Variants in GNB4 observed in about 807,000 individuals in gnomAD.
GNB4 encodes the protein G protein subunit beta 4.
Under a neutral mutation model 45.2 loss-of-function variants are expected in GNB4, and 28 were observed. The observed-to-expected ratio is 0.62, with a 90% CI of 0.46 to 0.85. The LOEUF is 0.85. GNB4 is among the 40% of genes least tolerant of loss of function. The probability of loss-of-function intolerance (pLI) is 0.00; values close to 1 mark genes in which losing one functional copy is unlikely to be tolerated. For missense variants in GNB4, 321 were observed against 425.4 expected (o/e 0.75, Z 2.16); for synonymous variants, 132 against 143.7 (o/e 0.92, Z 0.58).
chr3:179,513,264 G>C, the GNB4 span, among the ~76,000 whole-genome samples: 3,977 of 142,970 alleles, frequency 0.028, 85 homozygotes, highest in South Asian at 0.082. Flanking sequence ...GCTCACTCTA[G>C]CCTTGACCTC....
At chr3:179,459,539 G>A in the GNB4 span, among the ~76,000 whole-genome samples, 41 of 152,140 alleles carry the variant, frequency 2.7e-4, no homozygotes, top group Non-Finnish European at 4.9e-4. Context: ...AAAATTAGCC[G>A]GGCTTGGTGA....
the GNB4 span, among the ~76,000 whole-genome samples, chr3:179,491,140 G>A: frequency 6.6e-6 from 1 of 152,140 alleles, no homozygotes; most frequent in Non-Finnish European, 1.5e-5. Flanking sequence ...TCTCAGCATA[G>A]AAATAGAGAA....
chr3:179,468,035 A>AAATATATATATATATATATATATATAT, the GNB4 span, among the ~76,000 whole-genome samples: 37 of 89,808 alleles, frequency 4.1e-4, 1 homozygote, highest in East Asian at 6.7e-4. Flanking sequence ...TGTTGATAAA[A>AAATATATATATATATATATATATATAT]ATATATATAT....
intron 3 of GNB4, among the ~76,000 whole-genome samples, chr3:179,419,919 T>C (rs1714925755): frequency 6.6e-6 from 1 of 151,904 alleles, no homozygotes; most frequent in African/African-American, 2.4e-5. Context: ...TTAATAATAA[T>C]GATCAATATT....
chr3:179,509,205 A>G, the GNB4 span, among the ~76,000 whole-genome samples: 3 of 150,426 alleles, frequency 2.0e-5, no homozygotes, highest in Admixed American at 6.6e-5. Context: ...ACACACACAT[A>G]TACGGCACCT....
the GNB4 span, among the ~76,000 whole-genome samples, chr3:179,519,674 C>T: frequency 6.6e-6 from 1 of 152,142 alleles, no homozygotes; most frequent in African/African-American, 2.4e-5. Context: ...AGGCTACAGC[C>T]ACACCTCGTT....
In GNB4 at chr3:179,399,604, TTTA is replaced by T. The variant is rs1714224010; in HGVS notation, c.*1606_*1608del. ...TATATCTTAATTTGCCTTTATCCAC[TTTA>T]TTATTCTAATTGTCAACTGATTTTA... is the stretch of plus-strand genomic sequence containing the variant. On this transcript the variant is annotated 3_prime_UTR_variant, in exon 10 of 10. Transcript: ENST00000232564. 2 of 152,204 alleles carry T rather than the reference TTTA, an allele frequency of 1.3e-5. No individual in the cohort carries two copies. Among genetic ancestry groups the T allele is most frequent in the Non-Finnish European group, 2.9e-5 (2 of 68,034 alleles). 9.4% of individuals were successfully genotyped at this position (152,204 alleles called of 1,614,324 possible).
At chr3:179,407,680 A>G (rs1053258510) in intron 8 of GNB4, among the ~76,000 whole-genome samples, 2 of 152,148 alleles carry the variant, frequency 1.3e-5, no homozygotes, top group Non-Finnish European at 2.9e-5. Context: ...ATGCTTGGCA[A>G]AGAGAAAACT....
chr3:179,474,737 C>CTTTTTTTTTTTTTTTTTTTT, the GNB4 span, among the ~76,000 whole-genome samples: 16 of 59,718 alleles, frequency 2.7e-4, no homozygotes, highest in South Asian at 1.2e-3. Context: ...AGACTGGGTC[C>CTTTTTTTTTTTTTTTTTTTT]TTTTTTTTTT....
At chr3:179,402,484 G>A (rs1440327788) in intron 9 of GNB4, among the ~76,000 whole-genome samples, 1 of 152,194 alleles carries the variant, frequency 6.6e-6, no homozygotes, top group Non-Finnish European at 1.5e-5. Flanking sequence ...GCAGTCTCTT[G>A]AAAGAGGTTG....
chr3:179,456,143 G>A (rs1378379066), upstream of GNB4, among the ~76,000 whole-genome samples: 1 of 130,116 alleles, frequency 7.7e-6, no homozygotes. Context: ...ACAAGATCTC[G>A]CTCCGTCACT....
intron 1 of GNB4, among the ~76,000 whole-genome samples, chr3:179,441,316 T>C (rs930922872): frequency 2.0e-5 from 3 of 152,234 alleles, no homozygotes; most frequent in African/African-American, 7.2e-5. Flanking sequence ...ACCTAGGCTC[T>C]ATAGCATATA....
At chr3:179,496,033 T>C in the GNB4 span, among the ~76,000 whole-genome samples, 1 of 152,336 alleles carries the variant, frequency 6.6e-6, no homozygotes, top group East Asian at 1.9e-4. Context: ...AAAGATAATA[T>C]ATAGTCACAT....
At chr3:179,425,574 C>G (rs984802033) in intron 2 of GNB4, among the ~76,000 whole-genome samples, 1 of 152,104 alleles carries the variant, frequency 6.6e-6, no homozygotes, top group Non-Finnish European at 1.5e-5. Flanking sequence ...GGGATCAAGC[C>G]ATTCTCCTGC....
At chr3:179,420,279 C>T (rs1158362781) in intron 3 of GNB4, among the ~76,000 whole-genome samples, 1 of 149,592 alleles carries the variant, frequency 6.7e-6, no homozygotes, top group African/African-American at 2.4e-5. Context: ...CAGGCAGGCA[C>T]CACCATGACC....
At chr3:179,458,195 G>C in the GNB4 span, among the ~76,000 whole-genome samples, 2 of 152,148 alleles carry the variant, frequency 1.3e-5, no homozygotes, top group African/African-American at 4.8e-5. Context: ...GAGCCACCGC[G>C]CCCAGCCCAT....
the GNB4 span, among the ~76,000 whole-genome samples, chr3:179,510,578 C>T: frequency 3.3e-5 from 5 of 151,914 alleles, no homozygotes; most frequent in Admixed American, 6.5e-5. Flanking sequence ...GATGCCTCCC[C>T]AGAATGGGCT....
the GNB4 span, among the ~76,000 whole-genome samples, chr3:179,486,523 T>C: frequency 2.0e-5 from 3 of 152,224 alleles, no homozygotes; most frequent in African/African-American, 7.2e-5. Context: ...AATATGCAAA[T>C]ACAAAAAGAA....
chr3:179,523,445 G>C, the GNB4 span, among the ~76,000 whole-genome samples: 1 of 152,178 alleles, frequency 6.6e-6, no homozygotes, highest in East Asian at 1.9e-4. Context: ...GGATTGTGGA[G>C]GGAGGTATTG....
Sources: allele counts gnomAD v4.1 joint callset (sites outside exome capture counted in the v4.1 genomes callset), GRCh38; gene constraint gnomAD v4.1.1; transcripts MANE v1.5; gene names NCBI Gene and HGNC (gene_info 2026-07-23, HGNC 2026-07-21).